The following AGGF1 variants were observed in gnomAD, a reference collection of about 807,000 sequenced individuals.
AGGF1 encodes angiogenic factor with G-patch and FHA domains 1.
AGGF1 carries 56 observed loss-of-function variants against 86.5 expected under a neutral mutation model. The observed-to-expected ratio is 0.65, with a 90% CI of 0.52 to 0.81. The LOEUF is 0.81. AGGF1 is among the 30% of genes least tolerant of loss of function. AGGF1 has a pLI of 0.00. For synonymous variants in AGGF1, 313 were observed against 297.1 expected (o/e 1.05, Z -0.55); for missense variants, 816 against 850.9 (o/e 0.96, Z 0.51).
In AGGF1 at chr5:77,048,198, T is replaced by G. The variant is rs1747305246; in HGVS notation, c.1239T>G (p.Ile413Met). The change falls in exon 7 of 14, where the codon ATT becomes ATG. Residue 413 changes from isoleucine to methionine, a missense_variant. Physicochemically the swap from Ile to Met is conservative, Grantham distance 10. Coordinates refer to ENST00000312916, the MANE Select transcript of AGGF1 (RefSeq NM_018046.5). ...TTTGGCCCCCATGTATTAGAGTAATTGTCATTAGATCACCTGTGTTGCAGA... is the reference window on the plus strand; with the variant it reads ...TTTGGCCCCCATGTATTAGAGTAATGGTCATTAGATCACCTGTGTTGCAGA... ...DKIWPPCIRVIVIRSPVLQIG... is the reference protein window; with the variant it reads ...DKIWPPCIRVMVIRSPVLQIG... 3.1e-6 allele frequency: 5 copies of G among 1,613,602 alleles called. No individual in the cohort carries two copies. Among genetic ancestry groups the G allele is most frequent in the Non-Finnish European group, 4.2e-6 (5 of 1,179,780 alleles).
Position 77,063,197 on chromosome 5 carries a change from A to G in AGGF1, c.2090A>G (p.Lys697Arg), listed in dbSNP as rs748797281. Reference protein sequence around the residue: ...ERFTENFPETKPQKDDPGTMP... With the variant: ...ERFTENFPETRPQKDDPGTMP... Reference sequence around the variant, plus strand: ...TTTACTGAAAACTTCCCAGAAACTAAGCCTCAAAAAGATGACCCAGGGACC... The same window carrying G: ...TTTACTGAAAACTTCCCAGAAACTAGGCCTCAAAAAGATGACCCAGGGACC... Residue 697 changes from lysine to arginine, a missense_variant, in exon 14 of 14, where the codon AAG becomes AGG. Lys to Arg is a conservative substitution (Grantham distance 26). Transcript: ENST00000312916. The G allele has an allele frequency of 2.5e-6, 4 of 1,614,024 alleles. No individual in the cohort carries two copies. Among genetic ancestry groups the G allele is most frequent in the Non-Finnish European group, 2.5e-6 (3 of 1,179,912 alleles).
chr5:77,059,211 T>C (rs934870720), intron 11 of AGGF1, among the ~76,000 whole-genome samples: 1 of 152,230 alleles, frequency 6.6e-6, no homozygotes, highest in Admixed American at 6.5e-5. Flanking sequence ...AGTCAGAATA[T>C]ACTGTTATTT....
In AGGF1 at chr5:77,030,680, C is replaced by T; in HGVS notation, c.-87C>T. ...GTGAGGCTGCCTTTCGCTGCCCGCGCGCTCCAGTGGTCTCTGGGTCCGCCG... is the reference window on the plus strand; with the variant it reads ...GTGAGGCTGCCTTTCGCTGCCCGCGTGCTCCAGTGGTCTCTGGGTCCGCCG... On this transcript the variant is annotated 5_prime_UTR_variant, in exon 1 of 14. Transcript: ENST00000312916. 3.5e-6 allele frequency: 5 copies of T among 1,441,308 alleles called. No homozygotes were observed. The highest frequency in any genetic ancestry group is 4.7e-6 in the Non-Finnish European group (5 of 1,066,506). 89.3% of individuals were successfully genotyped at this position (1,441,308 alleles called of 1,614,324 possible).
intron 10 of AGGF1, 50 bp downstream of exon 10, chr5:77,054,180 C>A (rs1335391609): frequency 6.2e-7 from 1 of 1,605,244 alleles, no homozygotes; most frequent in African/African-American, 1.3e-5. Context: ...TCTTTCATTA[C>A]CTAAATGTTC....
chr5:77,061,487 T>G (rs377700503), intron 12 of AGGF1, among the ~76,000 whole-genome samples: 97 of 152,374 alleles, frequency 6.4e-4, no homozygotes, highest in South Asian at 5.6e-3. Flanking sequence ...TTAGATTTGC[T>G]GGAAGAACAT....
chr5:77,064,644 C>G lies in AGGF1; in HGVS notation c.*1392C>G, dbSNP rs191610137. Reference sequence around the variant, plus strand: ...AAATATCTCTTTGCATTCTTCTTGGCCACCTGCATAGTCTGACACATACGT... The same window carrying G: ...AAATATCTCTTTGCATTCTTCTTGGGCACCTGCATAGTCTGACACATACGT... On this transcript the variant is annotated 3_prime_UTR_variant, in exon 14 of 14. Transcript: ENST00000312916. 31 of 152,306 alleles carry G rather than the reference C, an allele frequency of 2.0e-4. No homozygotes were observed. Among genetic ancestry groups the G allele is most frequent in the African/African-American group, 7.2e-4 (30 of 41,580 alleles). The allele number at this position is 152,306 out of a possible 1,614,324, so 9.4% of individuals were successfully genotyped here.
At chr5:77,040,962 A>G (rs1747066614) in intron 5 of AGGF1, among the ~76,000 whole-genome samples, 2 of 152,136 alleles carry the variant, frequency 1.3e-5, no homozygotes, top group East Asian at 1.9e-4. Context: ...TCCTGAGCTC[A>G]AGTGATCTGC....
intron 9 of AGGF1, 78 bp downstream of exon 9, chr5:77,052,885 T>C: frequency 2.5e-6 from 3 of 1,203,344 alleles, no homozygotes; most frequent in Non-Finnish European, 3.7e-6. Flanking sequence ...GGGCATAATC[T>C]TTATCATTTG....
intron 11 of AGGF1, among the ~76,000 whole-genome samples, chr5:77,056,982 T>C (rs776860648): frequency 6.6e-6 from 1 of 152,206 alleles, no homozygotes; most frequent in Non-Finnish European, 1.5e-5. Flanking sequence ...GAAGATATGC[T>C]GATGGCAAAT....
chr5:77,063,462 A>G lies in AGGF1; in HGVS notation c.*210A>G, dbSNP rs1157863899. The G allele has an allele frequency of 3.5e-6, 2 of 574,416 alleles. No individual in the cohort carries two copies. Among genetic ancestry groups the G allele is most frequent in the Non-Finnish European group, 6.2e-6 (2 of 325,186 alleles). The allele number at this position is 574,416 out of a possible 1,614,324, so 35.6% of individuals were successfully genotyped here. A position where few individuals can be genotyped will look rare whatever the true frequency, so the allele number is the denominator to read the frequency against. On this transcript the variant is annotated 3_prime_UTR_variant, in exon 14 of 14. Coordinates refer to ENST00000312916, the MANE Select transcript of AGGF1 (RefSeq NM_018046.5). ...AACCAATTTATGCAGTAAATAGACT[A>G]AAGTTCACAGGGCACGGATGAGTTT... is the stretch of plus-strand genomic sequence containing the variant.
At position 77,035,691 on chromosome 5, in the gene AGGF1, G is replaced by C. The variant is rs1161535034; in HGVS notation, c.464G>C (p.Arg155Thr). 2 of 1,613,588 alleles carry C rather than the reference G, an allele frequency of 1.2e-6. No homozygotes were observed. Among genetic ancestry groups the C allele is most frequent in the East Asian group, 2.2e-5 (1 of 44,766 alleles). ...VENDAYPGTD[R>T]TENVKYRQVD... is the part of the protein sequence containing the mutation. ...AATGATGCTTACCCTGGTACCGATA[G>C]AACAGAAAATGTTAAATATAGACAA... The change falls in exon 3 of 14, where the codon AGA becomes ACA. Residue 155 changes from arginine to threonine, a missense_variant. This residue lies in a region of AGGF1 where 240 missense variants were observed against 234.4 expected (regional missense o/e 1.02). Coordinates refer to ENST00000312916, the MANE Select transcript of AGGF1 (RefSeq NM_018046.5).
intron 1 of AGGF1, among the ~76,000 whole-genome samples, chr5:77,033,793 C>T (rs191710527): frequency 2.2e-4 from 33 of 152,196 alleles, no homozygotes; most frequent in Non-Finnish European, 2.2e-4. Context: ...GCGTATTGAC[C>T]GAGGCAGCAT....
chr5:77,030,425 G>A lies in AGGF1; in HGVS notation c.-342G>A, dbSNP rs1016016833. On this transcript the variant is annotated 5_prime_UTR_variant, in exon 1 of 14. Coordinates refer to ENST00000312916, the MANE Select transcript of AGGF1 (RefSeq NM_018046.5). Reference sequence around the variant, plus strand: ...TGGCGCCGTTGTTTCCGGCTCAACTGGGGAGCTGCTGGAGCTCTTCTGGCC... The same window carrying A: ...TGGCGCCGTTGTTTCCGGCTCAACTAGGGAGCTGCTGGAGCTCTTCTGGCC... 11 of 515,710 alleles carry A rather than the reference G, an allele frequency of 2.1e-5. No individual in the cohort carries two copies. The highest frequency in any genetic ancestry group is 2.0e-4 in the Admixed American group (9 of 44,122). The allele number at this position is 515,710 out of a possible 1,614,324, so 31.9% of individuals were successfully genotyped here. A position where few individuals can be genotyped will look rare whatever the true frequency, so the allele number is the denominator to read the frequency against.
In AGGF1 at chr5:77,046,575, G is replaced by T; in HGVS notation, c.1099G>T (p.Glu367Ter). The T allele has an allele frequency of 6.2e-7, 1 of 1,613,764 alleles. No individual in the cohort carries two copies. Among genetic ancestry groups the T allele is most frequent in the South Asian group, 1.1e-5 (1 of 91,028 alleles). Residue 367 changes from glutamate (E) to a stop codon, truncating the protein, a stop_gained, in exon 6 of 14, where the codon GAA becomes TAA. Transcript: ENST00000312916. LOFTEE classifies it high-confidence loss of function. ...TGAGAAAATCATGGAGACTGATAGTGAACCAGAGGAAGGTGAAATTACAGA... is the reference window on the plus strand; with the variant it reads ...TGAGAAAATCATGGAGACTGATAGTTAACCAGAGGAAGGTGAAATTACAGA... Reference protein sequence around the residue: ...KDEKIMETDSEPEEGEITDSQ... With the variant: ...KDEKIMETDS
intron 4 of AGGF1, among the ~76,000 whole-genome samples, chr5:77,038,053 G>A (rs1336806220): frequency 2.0e-5 from 3 of 152,100 alleles, no homozygotes; most frequent in East Asian, 1.9e-4. Flanking sequence ...TGGAGTTGAC[G>A]TTCATCATTC....
Position 77,054,756 on chromosome 5 carries a change from A to G in AGGF1, c.1633+626A>G, listed in dbSNP as rs574365150. Among the ~76,000 whole-genome samples the G allele has an allele frequency of 7.9e-5, 12 of 152,308 alleles. No individual in the cohort carries two copies. The East Asian group carries it at 1.2e-3, about 15-fold the overall frequency. The stretch of plus-strand genomic sequence containing the variant: ...TAATTATGACTTAAGTAATAATTTA[A>G]TAAAGACTGGTTTCCTTTTGACAGG... On this transcript the variant is annotated intron_variant, in intron 10 of 13. Coordinates refer to ENST00000312916, the MANE Select transcript of AGGF1 (RefSeq NM_018046.5).
rs1746954773 is a variant in AGGF1 at position 77,035,679 on chromosome 5, C to G, written c.452C>G (p.Pro151Arg). The change falls in exon 3 of 14, where the codon CCT becomes CGT. Residue 151 changes from proline to arginine, a missense_variant. By Grantham distance (103) the Pro-to-Arg change is moderately radical (BLOSUM62 -2). Coordinates refer to ENST00000312916, the MANE Select transcript of AGGF1 (RefSeq NM_018046.5). ...TTACAAGTAGAAAATGATGCTTACC[C>G]TGGTACCGATAGAACAGAAAATGTT... The part of the protein sequence containing the change: ...DHLQVENDAY[P>R]GTDRTENVKY... 6.2e-7 allele frequency: 1 copy of G among 1,613,612 alleles called. No homozygotes were observed. The highest frequency in any genetic ancestry group is 8.5e-7 in the Non-Finnish European group (1 of 1,179,736).
intron 8 of AGGF1, among the ~76,000 whole-genome samples, chr5:77,050,190 A>G (rs1158809680): frequency 4.6e-5 from 7 of 151,922 alleles, no homozygotes; most frequent in Non-Finnish European, 7.4e-5. Flanking sequence ...CCTGCCTCCA[A>G]AAAAATAAAA....
In AGGF1 at chr5:77,030,829, GCTGGCC is replaced by G. The variant is rs751888518; in HGVS notation, c.65_70del (p.Leu22_Ala23del). The G allele has an allele frequency of 3.7e-6, 6 of 1,610,814 alleles. No homozygotes were observed. In the South Asian group the frequency reaches 6.6e-5, roughly 18 times the overall value. ...CGCCGCCCACCTCCCCCGAGCCTGAGCTGGCCCAGCTAAGGCGGAAGGTGGAGAAGT... is the reference window on the plus strand; with the variant it reads ...CGCCGCCCACCTCCCCCGAGCCTGAGCAGCTAAGGCGGAAGGTGGAGAAGT... On this transcript the variant is annotated inframe_deletion, in exon 1 of 14. Coordinates refer to ENST00000312916, the MANE Select transcript of AGGF1 (RefSeq NM_018046.5).
Sources: gnomAD v4.1 joint callset for allele counts (sites outside exome capture counted in the v4.1 genomes callset) on GRCh38, gnomAD v4.1.1 for gene constraint, gnomAD v4.1.1 regional missense constraint, MANE v1.5 for transcripts, NCBI Gene and HGNC (gene_info 2026-07-23, HGNC 2026-07-21) for gene names.